ANO2: variants seen among roughly 807,000 people sequenced by gnomAD.
The protein encoded by ANO2 is anoctamin 2.
In ANO2, 101 loss-of-function variants were observed where a neutral mutation model predicts 124.2. The observed-to-expected ratio is 0.81, with a 90% CI of 0.69 to 0.96. The LOEUF (loss-of-function observed/expected upper bound fraction) is 0.96, where lower values mean the gene tolerates loss of function less well. Ranked by LOEUF, ANO2 falls within the 40% of genes least tolerant of loss-of-function variation. ANO2 has a pLI of 0.00. For missense variants in ANO2, 1,293 were observed against 1,274.5 expected, an observed-to-expected ratio of 1.01 and a Z score of -0.22; for synonymous variants, 486 against 482.5, an observed-to-expected ratio of 1.01 and a Z score of -0.09.
intron 14 of ANO2, among the ~76,000 whole-genome samples, chr12:5,693,752 G>A (rs548098878): frequency 1.2e-4 from 18 of 152,070 alleles, no homozygotes; most frequent in Non-Finnish European, 2.6e-4. Flanking sequence ...TTCCTTGCAC[G>A]AGTTTGCTCT....
Position 5,826,666 on chromosome 12 carries a change from T to A in ANO2, c.892+1103A>T, listed in dbSNP as rs186003888. ...ATAGCAAAGCAAATTCAAGCAAACA[T>A]AATTGCCCTGTTGAGAGGTTAAGCA... On this transcript the variant is annotated intron_variant, in intron 7 of 24. Coordinates refer to ENST00000682330, the MANE Select transcript of ANO2 (RefSeq NM_001364791.2). Among the ~76,000 whole-genome samples, 48 of 152,108 alleles carry A rather than the reference T, an allele frequency of 3.2e-4. 1 individual carries two copies. Among genetic ancestry groups the A allele is most frequent in the African/African-American group, 1.2e-3 (48 of 41,438 alleles).
In ANO2 at chr12:5,814,026, C is replaced by T. The variant is rs570381667; in HGVS notation, c.893-6658G>A. Among the ~76,000 whole-genome samples the T allele has an allele frequency of 5.3e-5, 8 of 152,328 alleles. No homozygotes were observed. The South Asian group carries it at 6.2e-4, about 12-fold the overall frequency. On this transcript the variant is annotated intron_variant, in intron 7 of 24. Transcript: ENST00000682330. ...CTTCCCCTTCCAGATATACTCTCTA[C>T]GGTCCTCTATCTGACATGAACAGGC... is the stretch of plus-strand genomic sequence containing the variant.
In ANO2 at chr12:5,921,414, G is replaced by A. The variant is rs1378230431; in HGVS notation, c.208-48C>T. 9 of 1,560,716 alleles carry A rather than the reference G, an allele frequency of 5.8e-6. No individual in the cohort carries two copies. The East Asian group carries it at 9.0e-5, about 16-fold the overall frequency. On this transcript the variant is annotated intron_variant, in intron 2 of 24. Transcript: ENST00000682330. ...CAGGGCAAGGTCTGGTGAGTAAGGG[G>A]TGAGAAACAGAGGAGGCTGATCTAT... is the stretch of plus-strand genomic sequence containing the variant.
chr12:5,594,276 T>C (rs535688283), intron 20 of ANO2, among the ~76,000 whole-genome samples: 6 of 152,190 alleles, frequency 3.9e-5, no homozygotes, highest in Admixed American at 6.5e-5. Context: ...AGGTGCTTAA[T>C]AAATGTTTGA....
chr12:5,735,603 C>G (rs922465134), intron 13 of ANO2, among the ~76,000 whole-genome samples: 3 of 152,132 alleles, frequency 2.0e-5, no homozygotes, highest in African/African-American at 7.2e-5. Context: ...AGAAATAAAG[C>G]AGAATGGCTG....
intron 14 of ANO2, among the ~76,000 whole-genome samples, chr12:5,649,783 T>G (rs1051691575): frequency 9.2e-5 from 9 of 97,728 alleles, no homozygotes; most frequent in Non-Finnish European, 1.7e-4. Flanking sequence ...AGTTTGTGCA[T>G]GTGTGCATGT....
At chr12:5,691,159 C>T (rs1232793782) in intron 14 of ANO2, among the ~76,000 whole-genome samples, 2 of 151,878 alleles carry the variant, frequency 1.3e-5, no homozygotes, top group African/African-American at 2.4e-5. Flanking sequence ...GAAACCTCGT[C>T]TCTACTACAA....
intron 3 of ANO2, among the ~76,000 whole-genome samples, chr12:5,869,880 C>T (rs908349837): frequency 6.6e-6 from 1 of 152,126 alleles, no homozygotes; most frequent in Non-Finnish European, 1.5e-5. Context: ...AGGTATAACT[C>T]GTTCTCAGGA....
intron 22 of ANO2, among the ~76,000 whole-genome samples, chr12:5,577,626 G>C (rs1373344546): frequency 6.6e-6 from 1 of 152,222 alleles, no homozygotes; most frequent in African/African-American, 2.4e-5. Context: ...AGTAAGAAAG[G>C]AAAGAGATGA....
Position 5,732,564 on chromosome 12 carries a change from C to T in ANO2, c.1501G>A (p.Ala501Thr). ...EKMLKESNQS[A>T]VQKLETNTTE... ...GTGTTTGTTTCCAATTTCTGGACAG[C>T]AGACTGGTTGCTCTCCTTTAGCATT... is the stretch of plus-strand genomic sequence containing the variant. The change falls in exon 14 of 25, where the codon GCT becomes ACT. Residue 501 changes from alanine to threonine, a missense_variant. Coordinates refer to ENST00000682330, the MANE Select transcript of ANO2 (RefSeq NM_001364791.2). The T allele has an allele frequency of 6.2e-7, 1 of 1,613,902 alleles. No individual in the cohort carries two copies. Among genetic ancestry groups the T allele is most frequent in the Non-Finnish European group, 8.5e-7 (1 of 1,179,850 alleles).
chr12:5,602,665 G>A (rs1943999522), intron 19 of ANO2, among the ~76,000 whole-genome samples: 1 of 152,134 alleles, frequency 6.6e-6, no homozygotes, highest in South Asian at 2.1e-4. Context: ...TTTTCTGATT[G>A]GAAGGACCCA....
chr12:5,794,712 G>C (rs1591625604), intron 10 of ANO2, among the ~76,000 whole-genome samples: 1 of 152,228 alleles, frequency 6.6e-6, no homozygotes, highest in African/African-American at 2.4e-5. Context: ...ATAACTCCTA[G>C]ATCTTAAAGG....
chr12:5,736,377 G>A (rs1170817171), intron 13 of ANO2, among the ~76,000 whole-genome samples: 1 of 152,146 alleles, frequency 6.6e-6, no homozygotes, highest in Non-Finnish European at 1.5e-5. Context: ...TATGTCAGTT[G>A]GCACCCTCCT....
intron 13 of ANO2, among the ~76,000 whole-genome samples, chr12:5,735,311 G>A (rs1378979657): frequency 6.6e-6 from 1 of 152,110 alleles, no homozygotes; most frequent in Non-Finnish European, 1.5e-5. Flanking sequence ...CACGTGGTCA[G>A]TCTCCCCAGG....
chr12:5,903,952 C>T (rs1338393585), intron 3 of ANO2, among the ~76,000 whole-genome samples: 1 of 152,136 alleles, frequency 6.6e-6, no homozygotes, highest in African/African-American at 2.4e-5. Context: ...AGCACTCACC[C>T]TCCGTGAGTA....
chr12:5,860,131 G>C (rs74059026), intron 3 of ANO2, among the ~76,000 whole-genome samples: 2,629 of 152,046 alleles, frequency 0.017, 67 homozygotes, highest in African/African-American at 0.056. Flanking sequence ...AGCTTCCTAC[G>C]CTCAAGCCTC....
chr12:5,758,363 C>T (rs1399544485), intron 10 of ANO2, among the ~76,000 whole-genome samples: 1 of 152,190 alleles, frequency 6.6e-6, no homozygotes, highest in East Asian at 1.9e-4. Flanking sequence ...ATTTCTGAGG[C>T]TTGAGTGCAC....
intron 10 of ANO2, among the ~76,000 whole-genome samples, chr12:5,760,931 G>C (rs764687063): frequency 6.6e-6 from 1 of 151,866 alleles, no homozygotes; most frequent in African/African-American, 2.4e-5. Context: ...GAAATCAGTC[G>C]AACACGGATT....
chr12:5,786,239 G>A (rs1015359019), intron 10 of ANO2, among the ~76,000 whole-genome samples: 10 of 152,202 alleles, frequency 6.6e-5, no homozygotes, highest in Middle Eastern at 3.4e-3. Flanking sequence ...AGAACCATAG[G>A]AAGTTAGTCC....
Sources: allele counts gnomAD v4.1 joint callset (sites outside exome capture counted in the v4.1 genomes callset), GRCh38; gene constraint gnomAD v4.1.1; transcripts MANE v1.5; gene names NCBI Gene and HGNC (gene_info 2026-07-23, HGNC 2026-07-21).